HCK: variants seen among roughly 807,000 people sequenced by gnomAD.
HCK encodes the protein HCK proto-oncogene, Src family tyrosine kinase.
Under a neutral mutation model 70.4 loss-of-function variants are expected in HCK, and 40 were observed. That is an observed-to-expected ratio of 0.57 (90% confidence interval 0.44 to 0.74). The LOEUF is 0.74. HCK is among the 30% of genes least tolerant of loss of function. HCK has a pLI of 0.00. For missense variants in HCK, 568 were observed against 697.2 expected (o/e 0.81, Z 2.09); for synonymous variants, 245 against 263.2 (o/e 0.93, Z 0.67).
intron 11 of HCK, among the ~76,000 whole-genome samples, chr20:32,097,447 C>T (rs370053581): frequency 5.9e-5 from 9 of 152,078 alleles, no homozygotes; most frequent in African/African-American, 9.6e-5. Flanking sequence ...GGCGTGGTGG[C>T]GGGCACCTGT....
At position 32,052,490 on chromosome 20, in the gene HCK, A is replaced by T; in HGVS notation, c.62+4A>T. The T allele has an allele frequency of 7.9e-7, 1 of 1,264,264 alleles. No individual in the cohort carries two copies. The allele number at this position is 1,264,264 out of a possible 1,614,324, so 78.3% of individuals were successfully genotyped here. On this transcript the variant is annotated splice_donor_region_variant and intron_variant, in intron 1 of 12. Transcript: ENST00000375852. The stretch of plus-strand genomic sequence containing the variant: ...GAGACGAGGAGCGGGCGCCCAGGTG[A>T]GTGCCGCGCACAGGGGACCGGGAAT...
chr20:32,101,827 AAGATATAAATGCC>A lies in HCK; in HGVS notation c.*310_*322del, dbSNP rs2046040279. On this transcript the variant is annotated 3_prime_UTR_variant, in exon 13 of 13. Transcript: ENST00000375852. The stretch of plus-strand genomic sequence containing the variant: ...AATAGTGAAATGAATATTTAAATAA[AAGATATAAATGCC>A]AAAGTCTTTACCAAAACGTTGGTTT... 1 of 262,956 alleles carries A rather than the reference AAGATATAAATGCC, an allele frequency of 3.8e-6. No individual in the cohort carries two copies. The highest frequency in any genetic ancestry group is 2.2e-5 in the African/African-American group (1 of 45,350). The allele number at this position is 262,956 out of a possible 1,614,324, so 16.3% of individuals were successfully genotyped here.
intron 1 of HCK, among the ~76,000 whole-genome samples, chr20:32,068,959 C>T (rs537668401): frequency 6.6e-6 from 1 of 152,204 alleles, no homozygotes; most frequent in Admixed American, 6.5e-5. Context: ...ACAAATCACA[C>T]TTTATTGTGC....
intron 11 of HCK, among the ~76,000 whole-genome samples, chr20:32,094,753 GA>G (rs2045918058): frequency 1.2e-4 from 15 of 127,570 alleles, no homozygotes; most frequent in Admixed American, 8.1e-5. Flanking sequence ...AAGAAAGAAA[GA>G]AAGAAAGAAG....
At chr20:32,072,993 G>A (rs2045565153) in intron 2 of HCK, among the ~76,000 whole-genome samples, 1 of 152,110 alleles carries the variant, frequency 6.6e-6, no homozygotes, top group South Asian at 2.1e-4. Context: ...CCAGCTACTT[G>A]GGAGGCTGAG....
intron 4 of HCK, 68 bp from the exon 5 acceptor site, chr20:32,074,555 G>A (rs1342794952): frequency 8.5e-7 from 1 of 1,176,144 alleles, no homozygotes; most frequent in Non-Finnish European, 1.3e-6. Context: ...GGTCAAGGCT[G>A]GGGAGCTTGA....
intron 10 of HCK, among the ~76,000 whole-genome samples, chr20:32,092,000 A>G (rs2045870377): frequency 6.6e-6 from 1 of 151,704 alleles, no homozygotes; most frequent in African/African-American, 2.4e-5. Flanking sequence ...AAAAGAAGAA[A>G]GAAAAGAAAA....
chr20:32,094,751 A>AAGAAAGAAAGAAAGAAAGAAAGAG lies in HCK; in HGVS notation c.1246+747_1246+748insAGAAAGAAAGAGAGAAAGAAAGAA, dbSNP rs1555877786. Among the ~76,000 whole-genome samples the AAGAAAGAAAGAAAGAAAGAAAGAG allele has an allele frequency of 9.3e-4, 82 of 87,940 alleles. 4 individuals are homozygous for AAGAAAGAAAGAAAGAAAGAAAGAG. Among genetic ancestry groups the AAGAAAGAAAGAAAGAAAGAAAGAG allele is most frequent in the African/African-American group, 4.0e-3 (71 of 17,844 alleles). 57.7% of individuals were successfully genotyped at this position (87,940 alleles called of 152,430 possible). A position where few individuals can be genotyped will look rare whatever the true frequency, so the allele number is the denominator to read the frequency against. On this transcript the variant is annotated intron_variant, in intron 11 of 12. Coordinates refer to ENST00000375852, the MANE Select transcript of HCK (RefSeq NM_002110.5). ...AAAGAAAGAAAGAAAGAAAGAAAGA[A>AAGAAAGAAAGAAAGAAAGAAAGAG]AGAAAGAAAGAAGGAAAGAAAGAAA...
chr20:32,071,739 A>G lies in HCK; in HGVS notation c.140A>G (p.His47Arg), dbSNP rs2045541718. ...AAAACTGAAACCAGCGCCAGCCCAC[A>G]CTGTCCTGTGTACGTGCCGGATCCC... The change falls in exon 2 of 13, where the codon CAC (histidine) becomes CGC (arginine). Residue 47 changes from histidine to arginine, a missense_variant. By Grantham distance (29) the His-to-Arg change is conservative. Around this residue, in one of 4 missense-constraint regions of HCK, gnomAD observed 318 missense variants for 336.0 expected, o/e 0.95. Transcript: ENST00000375852. The G allele has an allele frequency of 5.6e-6, 9 of 1,614,104 alleles. No homozygotes were observed. The highest frequency in any genetic ancestry group is 1.3e-5 in the African/African-American group (1 of 75,036).
intron 5 of HCK, among the ~76,000 whole-genome samples, chr20:32,077,943 C>T (rs1269642216): frequency 3.3e-5 from 5 of 152,164 alleles, no homozygotes; most frequent in South Asian, 2.1e-4. Flanking sequence ...AGCGAATCTC[C>T]TGGTGTATAT....
At chr20:32,059,618 G>A (rs570282345) in intron 1 of HCK, among the ~76,000 whole-genome samples, 15 of 151,602 alleles carry the variant, frequency 9.9e-5, no homozygotes, top group Non-Finnish European at 1.8e-4. Context: ...GCGCTCAAGC[G>A]ATCCTCCCAC....
At chr20:32,068,188 C>A (rs1040094249) in intron 1 of HCK, among the ~76,000 whole-genome samples, 2 of 151,908 alleles carry the variant, frequency 1.3e-5, no homozygotes, top group Non-Finnish European at 2.9e-5. Context: ...ATCCCAGCTA[C>A]TCAGGAGGCT....
intron 8 of HCK, among the ~76,000 whole-genome samples, chr20:32,085,437 C>T (rs2045771119): frequency 6.6e-6 from 1 of 152,006 alleles, no homozygotes; most frequent in Non-Finnish European, 1.5e-5. Context: ...TCGTTTGAAC[C>T]CAGGAGGTGG....
chr20:32,052,806 T>TGG (rs2045199705), intron 1 of HCK, among the ~76,000 whole-genome samples: 2 of 141,776 alleles, frequency 1.4e-5, no homozygotes, highest in Admixed American at 7.0e-5. Context: ...GATTTTTTTT[T>TGG]TAATTTAAAA....
intron 2 of HCK, 99 bp from the exon 3 acceptor site, chr20:32,073,220 T>C: frequency 1.0e-6 from 1 of 979,550 alleles, no homozygotes. Flanking sequence ...CATGCAGGGC[T>C]AGGGTAAGAT....
intron 10 of HCK, among the ~76,000 whole-genome samples, chr20:32,091,785 C>T (rs2045866556): frequency 6.6e-6 from 1 of 150,886 alleles, no homozygotes; most frequent in East Asian, 1.9e-4. Context: ...CAGCCTGGGC[C>T]ACATAGTGGG....
intron 1 of HCK, 74 bp downstream of exon 1, chr20:32,052,560 C>A: frequency 9.0e-7 from 1 of 1,105,856 alleles, no homozygotes; most frequent in Non-Finnish European, 1.2e-6. Context: ...AGCCCAGGAG[C>A]CTGGGGAGGG....
At chr20:32,086,517 G>C (rs2045788793) in intron 8 of HCK, 111 bp from the exon 9 acceptor site, 1 of 859,582 alleles carries the variant, frequency 1.2e-6, no homozygotes, top group Non-Finnish European at 1.8e-6. Flanking sequence ...TGAGAGTTGA[G>C]ATGAGCAGGA....
intron 10 of HCK, among the ~76,000 whole-genome samples, chr20:32,089,007 G>C (rs1317105340): frequency 6.6e-6 from 1 of 152,218 alleles, no homozygotes; most frequent in Non-Finnish European, 1.5e-5. Flanking sequence ...GTTGGCACTT[G>C]CCCAGGCTAG....
Sources: allele counts gnomAD v4.1 joint callset (sites outside exome capture counted in the v4.1 genomes callset), GRCh38; gene constraint gnomAD v4.1.1; regional missense constraint gnomAD v4.1.1; transcripts MANE v1.5; gene names NCBI Gene and HGNC (gene_info 2026-07-23, HGNC 2026-07-21).